The following SYT5 variants were observed in gnomAD, a reference collection of about 807,000 sequenced individuals.
The protein encoded by SYT5 is synaptotagmin 5.
SYT5 carries 29 observed loss-of-function variants against 36.0 expected under a neutral mutation model. The ratio of observed to expected loss-of-function variants is 0.81; its 90% CI spans 0.60 to 1.10. The LOEUF is 1.10. SYT5 is among the 50% of genes least tolerant of loss of function. The pLI, the probability that SYT5 is intolerant of heterozygous loss-of-function variation, is 0.00. For synonymous variants in SYT5, 231 were observed against 227.6 expected (o/e 1.02, Z -0.14); for missense variants, 512 against 516.0 (o/e 0.99, Z 0.08).
At chr19:55,177,400 ACT>A (rs2086088380) in intron 3 of SYT5, 1 of 151,954 alleles carries the variant, frequency 6.6e-6, no homozygotes, top group Non-Finnish European at 1.5e-5. Flanking sequence ...GTCTCAGTTA[ACT>A]CTGTCCCTCA....
Position 55,173,447 on chromosome 19 carries a change from C to T in SYT5, c.*37G>A. 1 of 1,326,426 alleles carries T rather than the reference C, an allele frequency of 7.5e-7. No individual in the cohort carries two copies. Among genetic ancestry groups the T allele is most frequent in the Non-Finnish European group, 9.6e-7 (1 of 1,039,182 alleles). The allele number at this position is 1,326,426 out of a possible 1,614,324, so 82.2% of individuals were successfully genotyped here. On this transcript the variant is annotated 3_prime_UTR_variant, in exon 9 of 9. Coordinates refer to ENST00000354308, the MANE Select transcript of SYT5 (RefSeq NM_003180.3). The surrounding 1 kb of genome is among the most constrained non-coding windows in gnomAD (Gnocchi z 5.4). ...GGTCTCGGGAGTCTGGGGTCAGGGG[C>T]TAGAGTCCAGGCTTGGCCGGGGGCT...
intron 3 of SYT5, 144 bp downstream of exon 3, chr19:55,178,052 G>T (rs1332427307): frequency 1.7e-5 from 16 of 952,086 alleles, no homozygotes; most frequent in Admixed American, 2.9e-5. Context: ...CCAGAGTCCA[G>T]TTGAGGGCTA....
rs766243597 is a variant in SYT5, at chr19:55,175,008, A to T, written c.709-9T>A. 19 of 1,611,730 alleles carry T rather than the reference A, an allele frequency of 1.2e-5. No individual in the cohort carries two copies. The highest frequency in any genetic ancestry group is 2.7e-5 in the African/African-American group (2 of 74,924). On this transcript the variant is annotated splice_polypyrimidine_tract_variant and intron_variant, in intron 6 of 8. Transcript: ENST00000354308. The surrounding 1 kb of genome is among the most constrained non-coding windows in gnomAD (Gnocchi z 4.5). ...TCCCCAAGCTTCTCCTGCTGAAAGGAGAGGGGCCCATCACCAGAGCCCCGG... is the reference window on the plus strand; with the variant it reads ...TCCCCAAGCTTCTCCTGCTGAAAGGTGAGGGGCCCATCACCAGAGCCCCGG...
intron 2 of SYT5, among the ~76,000 whole-genome samples, 196 bp downstream of exon 2, chr19:55,178,753 ATTTTTTTTTTTTTT>A (rs5828614): frequency 7.2e-3 from 363 of 50,524 alleles, no homozygotes; most frequent in Non-Finnish European, 8.6e-3. Flanking sequence ...TCCGGTTTCG[ATTTTTTTTTTTTTT>A]TTTTTTTTTT....
At position 55,176,224 on chromosome 19, in the gene SYT5, C is replaced by T. The variant is rs2086075831; in HGVS notation, c.253-100G>A. 4.6e-6 allele frequency: 7 copies of T among 1,533,156 alleles called. No individual in the cohort carries two copies. The East Asian group carries it at 9.0e-5, about 20-fold the overall frequency. 95.0% of individuals were successfully genotyped at this position (1,533,156 alleles called of 1,614,324 possible). On this transcript the variant is annotated intron_variant, in intron 3 of 8. Transcript: ENST00000354308. Reference sequence around the variant, plus strand: ...AGGCTCACAGGTCCCTTGGGCTATACCTGAGCTCTCACAGGCTAAGCAGAT... The same window carrying T: ...AGGCTCACAGGTCCCTTGGGCTATATCTGAGCTCTCACAGGCTAAGCAGAT...
At chr19:55,178,445 G>A in intron 2 of SYT5, 77 bp from the exon 3 acceptor site, 1 of 1,436,384 alleles carries the variant, frequency 7.0e-7, no homozygotes, top group Non-Finnish European at 9.3e-7. Context: ...ACACGTGGAA[G>A]CTGGAATGCT....
In SYT5 at chr19:55,175,542, T is replaced by C. The variant is rs985906508; in HGVS notation, c.540+167A>G. On this transcript the variant is annotated intron_variant, in intron 5 of 8. Transcript: ENST00000354308. The surrounding 1 kb of genome is among the most constrained non-coding windows in gnomAD (Gnocchi z 4.5). ...AAATCGTACCGCCCAAGGACCAGGC[T>C]ACAGCCCAGGAGTCAGTAGTGCCCA... Among the ~76,000 whole-genome samples the C allele has an allele frequency of 1.3e-5, 2 of 152,084 alleles. No homozygotes were observed. The highest frequency in any genetic ancestry group is 2.9e-5 in the Non-Finnish European group (2 of 68,008).
In SYT5 at chr19:55,179,141, C is replaced by T; in HGVS notation, c.-45-55G>A. On this transcript the variant is annotated intron_variant, in intron 1 of 8. Transcript: ENST00000354308. The surrounding 1 kb of genome is among the most constrained non-coding windows in gnomAD (Gnocchi z 4.5). Reference sequence around the variant, plus strand: ...TTTGAGCCCCACGCACAACAAAGAACTCCAACTCCCATGAGGCCTTTGCGC... The same window carrying T: ...TTTGAGCCCCACGCACAACAAAGAATTCCAACTCCCATGAGGCCTTTGCGC... The T allele has an allele frequency of 6.5e-7, 1 of 1,539,870 alleles. No homozygotes were observed. The highest frequency in any genetic ancestry group is 1.2e-5 in the South Asian group (1 of 83,964).
At chr19:55,177,741 A>G (rs1452471943) in intron 3 of SYT5, among the ~76,000 whole-genome samples, 2 of 152,080 alleles carry the variant, frequency 1.3e-5, no homozygotes, top group Non-Finnish European at 1.5e-5. Flanking sequence ...TTTTTAGTAG[A>G]GACAGGGTTT....
rs749015608 is a variant in SYT5, at chr19:55,178,285, A to G, written c.163T>C (p.Cys55Arg). 6 of 1,611,630 alleles carry G rather than the reference A, an allele frequency of 3.7e-6. No individual in the cohort carries two copies. The highest frequency in any genetic ancestry group is 2.7e-5 in the African/African-American group (2 of 74,880). Residue 55 changes from cysteine to arginine, a missense_variant, in exon 3 of 9, where the codon TGT (cysteine) becomes CGT (arginine). Coordinates refer to ENST00000354308, the MANE Select transcript of SYT5 (RefSeq NM_003180.3). Reference sequence around the variant, plus strand: ...CTCTTCTTGCCTGTCCGCCTCCGACAGCTCTTCCGGTAGAGACAGAAACAG... The same window carrying G: ...CTCTTCTTGCCTGTCCGCCTCCGACGGCTCTTCCGGTAGAGACAGAAACAG... ...SCCFCLYRKS[C>R]RRRTGKKSQA...
Position 55,179,455 on chromosome 19 carries a change from C to A in SYT5, c.-45-369G>T. 2.6e-6 allele frequency: 1 copy of A among 382,256 alleles called. No homozygotes were observed. Among genetic ancestry groups the A allele is most frequent in the Admixed American group, 4.6e-5 (1 of 21,544 alleles). 23.7% of individuals were successfully genotyped at this position (382,256 alleles called of 1,614,324 possible). On this transcript the variant is annotated intron_variant, in intron 1 of 8. Transcript: ENST00000354308. This position sits in a 1 kb window ranked among gnomAD's most constrained non-coding sequence, Gnocchi z 4.5. ...GTGAGAGCAAAGCTGGTTGCCCGGGCAACGGGTTGTTGCCAGGACAACGGG... is the reference window on the plus strand; with the variant it reads ...GTGAGAGCAAAGCTGGTTGCCCGGGAAACGGGTTGTTGCCAGGACAACGGG...
Position 55,175,360 on chromosome 19 carries a change from G to T in SYT5, c.541-21C>A, listed in dbSNP as rs1185888455. ...GGGACCTGGAGTGCACAGAGAATCC[G>T]CAGTAGAGAGCAGGAAGTCAGAGAT... On this transcript the variant is annotated intron_variant, in intron 5 of 8. Coordinates refer to ENST00000354308, the MANE Select transcript of SYT5 (RefSeq NM_003180.3). This position sits in a 1 kb window ranked among gnomAD's most constrained non-coding sequence, Gnocchi z 4.5. 3.3e-6 allele frequency: 5 copies of T among 1,509,516 alleles called. No individual in the cohort carries two copies. The highest frequency in any genetic ancestry group is 1.4e-5 in the African/African-American group (1 of 71,686). The allele number at this position is 1,509,516 out of a possible 1,614,324, so 93.5% of individuals were successfully genotyped here. A position where few individuals can be genotyped will look rare whatever the true frequency, so the allele number is the denominator to read the frequency against.
chr19:55,179,131 C>G lies in SYT5; in HGVS notation c.-45-45G>C. 1 of 1,541,842 alleles carries G rather than the reference C, an allele frequency of 6.5e-7. No homozygotes were observed. The highest frequency in any genetic ancestry group is 8.7e-7 in the Non-Finnish European group (1 of 1,147,234). On this transcript the variant is annotated intron_variant, in intron 1 of 8. Coordinates refer to ENST00000354308, the MANE Select transcript of SYT5 (RefSeq NM_003180.3). This position sits in a 1 kb window ranked among gnomAD's most constrained non-coding sequence, Gnocchi z 4.5. Reference sequence around the variant, plus strand: ...CCAGACGTCCTTTGAGCCCCACGCACAACAAAGAACTCCAACTCCCATGAG... The same window carrying G: ...CCAGACGTCCTTTGAGCCCCACGCAGAACAAAGAACTCCAACTCCCATGAG...
chr19:55,173,285 G>T lies in SYT5; in HGVS notation c.*199C>A. The T allele has an allele frequency of 2.2e-6, 1 of 445,738 alleles. No homozygotes were observed. 27.6% of individuals were successfully genotyped at this position (445,738 alleles called of 1,614,324 possible). ...TCTGGGTGTGTCCGCGAGGGTCGGGGGAGTGTGCTGGAAAGTTGTCGTGAT... is the reference window on the plus strand; with the variant it reads ...TCTGGGTGTGTCCGCGAGGGTCGGGTGAGTGTGCTGGAAAGTTGTCGTGAT... On this transcript the variant is annotated 3_prime_UTR_variant, in exon 9 of 9. Coordinates refer to ENST00000354308, the MANE Select transcript of SYT5 (RefSeq NM_003180.3). The surrounding 1 kb of genome is among the most constrained non-coding windows in gnomAD (Gnocchi z 5.4).
Position 55,173,697 on chromosome 19 carries a change from C to G in SYT5, c.961-13G>C, listed in dbSNP as rs1319021011. The stretch of plus-strand genomic sequence containing the variant: ...CCACCTGCACCTTCTGGGGTGGGCG[C>G]GGGAGGAAGAGGAGAGAGGAGCGTG... On this transcript the variant is annotated splice_polypyrimidine_tract_variant and intron_variant, in intron 8 of 8. Coordinates refer to ENST00000354308, the MANE Select transcript of SYT5 (RefSeq NM_003180.3). The surrounding 1 kb of genome is among the most constrained non-coding windows in gnomAD (Gnocchi z 5.4). 2.9e-6 allele frequency: 4 copies of G among 1,365,010 alleles called. No homozygotes were observed. Among genetic ancestry groups the G allele is most frequent in the Non-Finnish European group, 3.8e-6 (4 of 1,051,620 alleles). The allele number at this position is 1,365,010 out of a possible 1,614,324, so 84.6% of individuals were successfully genotyped here.
At position 55,175,259 on chromosome 19, in the gene SYT5, G is replaced by A. The variant is rs774617144; in HGVS notation, c.621C>T (p.Ile207=). 6 of 1,606,416 alleles carry A rather than the reference G, an allele frequency of 3.7e-6. No individual in the cohort carries two copies. The Admixed American group carries it at 1.0e-4, about 28-fold the overall frequency. Residue 207 remains isoleucine, a synonymous_variant, in exon 6 of 9, where the codon ATC becomes ATT. Coordinates refer to ENST00000354308, the MANE Select transcript of SYT5 (RefSeq NM_003180.3). This position sits in a 1 kb window ranked among gnomAD's most constrained non-coding sequence, Gnocchi z 4.5. ...AGCTCATAGGGACCCGCACCTCCCC[G>A]ATGGCGTCATTGCGAGAGAAGCGGT... is the stretch of plus-strand genomic sequence containing the variant. ...DFDRFSRNDA[I]GEVRVPMSSV...
At position 55,179,269 on chromosome 19, in the gene SYT5, C is replaced by CT; in HGVS notation, c.-45-184dup. 1 of 1,412,342 alleles carries CT rather than the reference C, an allele frequency of 7.1e-7. No individual in the cohort carries two copies. The highest frequency in any genetic ancestry group is 9.2e-7 in the Non-Finnish European group (1 of 1,084,770). The allele number at this position is 1,412,342 out of a possible 1,614,324, so 87.5% of individuals were successfully genotyped here. A position where few individuals can be genotyped will look rare whatever the true frequency, so the allele number is the denominator to read the frequency against. ...GGGGTGTCCAGGACCTAGTTCCATC[C>CT]TAAAGGGATACCCTCTTCCTCCACG... On this transcript the variant is annotated intron_variant, in intron 1 of 8. Transcript: ENST00000354308. This position sits in a 1 kb window ranked among gnomAD's most constrained non-coding sequence, Gnocchi z 4.5.
Position 55,175,952 on chromosome 19 carries a change from G to T in SYT5, c.372+53C>A. 3 of 1,613,620 alleles carry T rather than the reference G, an allele frequency of 1.9e-6. No homozygotes were observed. Among genetic ancestry groups the T allele is most frequent in the Non-Finnish European group, 2.5e-6 (3 of 1,179,802 alleles). On this transcript the variant is annotated intron_variant, in intron 4 of 8. Transcript: ENST00000354308. This position sits in a 1 kb window ranked among gnomAD's most constrained non-coding sequence, Gnocchi z 4.5. ...CCCTTCCATGGCTCCTTTCAGAAGG[G>T]GTTGGAACCCCCGGGATCCTCCCTC... is the stretch of plus-strand genomic sequence containing the variant.
In SYT5 at chr19:55,178,949, C is replaced by T. The variant is rs1358506916; in HGVS notation, c.79+14G>A. Reference sequence around the variant, plus strand: ...TTCTCTCTGCTCGGCCCCCCACCCCCGGGTCTTGCTCACCTGGGCCGTGGC... The same window carrying T: ...TTCTCTCTGCTCGGCCCCCCACCCCTGGGTCTTGCTCACCTGGGCCGTGGC... On this transcript the variant is annotated intron_variant, in intron 2 of 8. Coordinates refer to ENST00000354308, the MANE Select transcript of SYT5 (RefSeq NM_003180.3). The T allele has an allele frequency of 1.3e-6, 2 of 1,496,416 alleles. No homozygotes were observed. Among genetic ancestry groups the T allele is most frequent in the Non-Finnish European group, 8.9e-7 (1 of 1,123,676 alleles). 92.7% of individuals were successfully genotyped at this position (1,496,416 alleles called of 1,614,324 possible). A position where few individuals can be genotyped will look rare whatever the true frequency, so the allele number is the denominator to read the frequency against.
Sources: allele counts gnomAD v4.1 joint callset (sites outside exome capture counted in the v4.1 genomes callset), GRCh38; gene constraint gnomAD v4.1.1; non-coding constraint Gnocchi (gnomAD v3.1); transcripts MANE v1.5; gene names NCBI Gene and HGNC (gene_info 2026-07-23, HGNC 2026-07-21).